IGFBP7: variants seen among roughly 807,000 people sequenced by gnomAD.
IGFBP7 encodes the protein insulin like growth factor binding protein 7, also known as insulin-like growth factor-binding protein 7.
A neutral mutation model predicts 29.4 loss-of-function variants in IGFBP7; 31 were observed. That is an observed-to-expected ratio of 1.05 (90% confidence interval 0.79 to 1.42). IGFBP7 has a LOEUF of 1.42. Among genes scored for constraint, IGFBP7 ranks in the 40% most tolerant of loss-of-function variants. IGFBP7 has a pLI of 0.00. For synonymous variants in IGFBP7, 172 were observed against 174.9 expected, an observed-to-expected ratio of 0.98 and a Z score of 0.13; for missense variants, 393 against 395.5, an observed-to-expected ratio of 0.99 and a Z score of 0.05.
At chr4:57,037,101 AGGTTC>A (rs1724100217) in intron 2 of IGFBP7, among the ~76,000 whole-genome samples, 1 of 152,182 alleles carries the variant, frequency 6.6e-6, no homozygotes, top group Admixed American at 6.5e-5. Context: ...GCCTTAACAT[AGGTTC>A]TGTTCTATTT....
chr4:57,074,753 A>C (rs372206252), intron 1 of IGFBP7, among the ~76,000 whole-genome samples: 2 of 152,256 alleles, frequency 1.3e-5, no homozygotes, highest in African/African-American at 4.8e-5. Flanking sequence ...GAAAGAAAAG[A>C]TACAGCACCC....
At chr4:57,072,023 G>A (rs1008903602) in intron 1 of IGFBP7, among the ~76,000 whole-genome samples, 13 of 151,596 alleles carry the variant, frequency 8.6e-5, no homozygotes, top group African/African-American at 2.7e-4. Flanking sequence ...AGGTTTGGGG[G>A]TACATGTGAA....
At chr4:57,063,066 C>T (rs1038033639) in intron 1 of IGFBP7, among the ~76,000 whole-genome samples, 8 of 152,168 alleles carry the variant, frequency 5.3e-5, no homozygotes, top group African/African-American at 1.9e-4. Flanking sequence ...GCTCCTCAAG[C>T]ATGTCTTGCC....
intron 1 of IGFBP7, among the ~76,000 whole-genome samples, chr4:57,045,639 C>T (rs1341881857): frequency 1.3e-5 from 2 of 152,116 alleles, no homozygotes; most frequent in Non-Finnish European, 2.9e-5. Flanking sequence ...AGCTGATACC[C>T]AGTAGGATAC....
At chr4:57,035,357 A>C (rs1724057162) in intron 2 of IGFBP7, among the ~76,000 whole-genome samples, 1 of 152,250 alleles carries the variant, frequency 6.6e-6, no homozygotes, top group African/African-American at 2.4e-5. Context: ...ATCATGTAGA[A>C]AACATAGAAA....
At chr4:57,072,751 G>A in intron 1 of IGFBP7, 1 of 501,044 alleles carries the variant, frequency 2.0e-6, no homozygotes, top group East Asian at 5.2e-5. Flanking sequence ...TTTCTGCCTT[G>A]CCTGAATCAG....
chr4:57,068,504 C>T (rs1306335407), intron 1 of IGFBP7, among the ~76,000 whole-genome samples: 2 of 152,100 alleles, frequency 1.3e-5, no homozygotes, highest in African/African-American at 4.8e-5. Flanking sequence ...CCTAGAAACA[C>T]ATCAGTAACG....
intron 1 of IGFBP7, among the ~76,000 whole-genome samples, chr4:57,052,934 AC>A (rs1181407138): frequency 2.0e-5 from 3 of 152,234 alleles, no homozygotes; most frequent in Non-Finnish European, 4.4e-5. Flanking sequence ...TGAATTGACC[AC>A]AGAACATGCA....
chr4:57,032,710 G>A (rs1342442069), intron 3 of IGFBP7, among the ~76,000 whole-genome samples, 158 bp from the exon 4 acceptor site: 1 of 152,198 alleles, frequency 6.6e-6, no homozygotes. Context: ...AGGAGACTTC[G>A]ATAACTACCA....
chr4:57,041,312 T>A (rs1440301436), intron 1 of IGFBP7, among the ~76,000 whole-genome samples: 5 of 152,182 alleles, frequency 3.3e-5, no homozygotes, highest in Non-Finnish European at 7.3e-5. Context: ...ACTATTTCTA[T>A]TTTGGGTTGG....
chr4:57,102,173 A>C (rs1435480873), intron 1 of IGFBP7, among the ~76,000 whole-genome samples: 2 of 152,138 alleles, frequency 1.3e-5, no homozygotes, highest in Non-Finnish European at 2.9e-5. Flanking sequence ...GAATCAGTGA[A>C]GGCTAGCTGG....
chr4:57,054,633 C>G (rs1431625008), intron 1 of IGFBP7, among the ~76,000 whole-genome samples: 1 of 11,186 alleles, frequency 8.9e-5, no homozygotes, highest in Non-Finnish European at 3.1e-4. Context: ...GCGAGGCTCT[C>G]TCTCACAAAA....
intron 1 of IGFBP7, among the ~76,000 whole-genome samples, chr4:57,069,773 T>C (rs1431450421): frequency 6.6e-6 from 1 of 152,152 alleles, no homozygotes; most frequent in Non-Finnish European, 1.5e-5. Flanking sequence ...CTAGGCTGTT[T>C]ATGGTCTCTC....
Position 57,045,927 on chromosome 4 carries a change from T to C in IGFBP7, c.476-4994A>G, listed in dbSNP as rs1400381006. Among the ~76,000 whole-genome samples the C allele has an allele frequency of 1.6e-4, 24 of 152,110 alleles. 1 individual carries two copies. The highest frequency in any genetic ancestry group is 3.5e-4 in the Non-Finnish European group (24 of 68,018). Reference sequence around the variant, plus strand: ...TTTTAGTAGAGATGGGGTTTCACCATGTTGGCCAGGCTGGTCTTGAACCCC... The same window carrying C: ...TTTTAGTAGAGATGGGGTTTCACCACGTTGGCCAGGCTGGTCTTGAACCCC... On this transcript the variant is annotated intron_variant, in intron 1 of 4. Coordinates refer to ENST00000295666, the MANE Select transcript of IGFBP7 (RefSeq NM_001553.3).
intron 1 of IGFBP7, among the ~76,000 whole-genome samples, chr4:57,056,857 G>A (rs1724686611): frequency 6.6e-6 from 1 of 152,238 alleles, no homozygotes; most frequent in Non-Finnish European, 1.5e-5. Flanking sequence ...CTCTGCATTG[G>A]CACTTTGGCT....
chr4:57,095,856 A>G (rs1176462321), intron 1 of IGFBP7, among the ~76,000 whole-genome samples: 1 of 152,210 alleles, frequency 6.6e-6, no homozygotes, highest in Non-Finnish European at 1.5e-5. Context: ...GATTCCAGAT[A>G]GATGACAGAG....
At chr4:57,098,076 C>T (rs144188572) in intron 1 of IGFBP7, among the ~76,000 whole-genome samples, 112 of 152,302 alleles carry the variant, frequency 7.4e-4, no homozygotes, top group African/African-American at 1.9e-3. Flanking sequence ...GTGTCAAGAA[C>T]AAAAGGGCTG....
intron 2 of IGFBP7, among the ~76,000 whole-genome samples, chr4:57,036,935 G>A (rs1443279587): frequency 1.3e-5 from 2 of 152,156 alleles, no homozygotes; most frequent in African/African-American, 2.4e-5. Flanking sequence ...TAACAGTCTG[G>A]TTACAAGGAC....
intron 2 of IGFBP7, among the ~76,000 whole-genome samples, chr4:57,038,218 G>A (rs1251311474): frequency 6.6e-6 from 1 of 152,202 alleles, no homozygotes; most frequent in African/African-American, 2.4e-5. Flanking sequence ...GACCCGACCT[G>A]GGCTTGAGCC....
Sources: gnomAD v4.1 joint callset for allele counts (sites outside exome capture counted in the v4.1 genomes callset) on GRCh38, gnomAD v4.1.1 for gene constraint, MANE v1.5 for transcripts, NCBI Gene and HGNC (gene_info 2026-07-23, HGNC 2026-07-21) for gene names.